The following FCHSD2 variants were observed in gnomAD, a reference collection of about 807,000 sequenced individuals.
The protein encoded by FCHSD2 is F-BAR and double SH3 domains protein 2.
In FCHSD2, 38 loss-of-function variants were observed where a neutral mutation model predicts 108.1. The ratio of observed to expected loss-of-function variants is 0.35; its 90% confidence interval spans 0.27 to 0.46. The LOEUF (loss-of-function observed/expected upper bound fraction) is 0.46. Among genes scored for constraint, FCHSD2 ranks in the 20% least tolerant of loss-of-function variants. The pLI is 1.00. For synonymous variants in FCHSD2, 279 were observed against 314.7 expected (o/e 0.89, Z 1.20); for missense variants, 751 against 897.8 (o/e 0.84, Z 2.09).
intron 3 of FCHSD2, among the ~76,000 whole-genome samples, chr11:73,044,427 A>C (rs980993692): frequency 1.3e-5 from 2 of 152,100 alleles, no homozygotes; most frequent in African/African-American, 4.8e-5. Context: ...ACAAAATTTA[A>C]AAATTAGATG....
intron 4 of FCHSD2, among the ~76,000 whole-genome samples, chr11:73,013,794 TG>T (rs1473420851): frequency 6.6e-6 from 1 of 152,230 alleles, no homozygotes; most frequent in Non-Finnish European, 1.5e-5. Flanking sequence ...CTTATTTCTT[TG>T]GTAACCTGAA....
chr11:73,002,195 G>A (rs1176093759), intron 4 of FCHSD2, among the ~76,000 whole-genome samples: 1 of 152,066 alleles, frequency 6.6e-6, no homozygotes, highest in Non-Finnish European at 1.5e-5. Flanking sequence ...AATTGCCTGG[G>A]TCCCTATCTT....
At chr11:73,131,257 C>T (rs1338980116) in intron 2 of FCHSD2, among the ~76,000 whole-genome samples, 3 of 151,878 alleles carry the variant, frequency 2.0e-5, no homozygotes, top group Non-Finnish European at 4.4e-5. Flanking sequence ...GTGGTTCACG[C>T]CTGTAATCCC....
At chr11:72,999,676 A>G (rs780154147) in intron 5 of FCHSD2, among the ~76,000 whole-genome samples, 2 of 152,188 alleles carry the variant, frequency 1.3e-5, no homozygotes, top group African/African-American at 4.8e-5. Flanking sequence ...AGATTACTTC[A>G]TCAATGGAAG....
rs111890322 is a variant in FCHSD2, at chr11:73,098,697, C to G, written c.120-14957G>C. Among the ~76,000 whole-genome samples the G allele has an allele frequency of 5.9e-3, 893 of 152,164 alleles. 8 individuals are homozygous for G. Among genetic ancestry groups the G allele is most frequent in the Non-Finnish European group, 8.4e-3 (574 of 67,998 alleles). On this transcript the variant is annotated intron_variant, in intron 2 of 19. Transcript: ENST00000409418. ...AGAATAGTCTCTTCAACAAATGGTG[C>G]CAAGACAAGATTTCTACATACAAAA...
intron 8 of FCHSD2, among the ~76,000 whole-genome samples, chr11:72,956,762 AT>A (rs1394798967): frequency 6.6e-6 from 1 of 151,986 alleles, no homozygotes; most frequent in Non-Finnish European, 1.5e-5. Context: ...CAACATATGA[AT>A]TTTGGGGAAA....
At chr11:72,939,650 G>A (rs1192472842) in intron 8 of FCHSD2, among the ~76,000 whole-genome samples, 4 of 106,442 alleles carry the variant, frequency 3.8e-5, no homozygotes, top group Middle Eastern at 9.6e-3. Context: ...ACAGTGTCTC[G>A]CCCTGTCGCC....
chr11:73,138,209 T>C (rs760913777), intron 2 of FCHSD2, among the ~76,000 whole-genome samples: 5 of 152,206 alleles, frequency 3.3e-5, no homozygotes, highest in Admixed American at 6.5e-5. Flanking sequence ...GAGGCCATTA[T>C]TGCCCCATTT....
chr11:72,984,453 G>A (rs1300355746), intron 7 of FCHSD2, among the ~76,000 whole-genome samples: 1 of 152,142 alleles, frequency 6.6e-6, no homozygotes. Flanking sequence ...TACTTCTAAA[G>A]CTTTGTAGAT....
At chr11:73,133,558 G>A (rs1330530150) in intron 2 of FCHSD2, among the ~76,000 whole-genome samples, 1 of 152,132 alleles carries the variant, frequency 6.6e-6, no homozygotes, top group Admixed American at 6.5e-5. Flanking sequence ...TGGATCACTT[G>A]AGGTCAGGAG....
At chr11:73,042,227 G>A (rs1375675861) in intron 3 of FCHSD2, among the ~76,000 whole-genome samples, 2 of 151,956 alleles carry the variant, frequency 1.3e-5, no homozygotes, top group Non-Finnish European at 2.9e-5. Flanking sequence ...ACCCGGCTGA[G>A]ATTATTTTTA....
intron 6 of FCHSD2, among the ~76,000 whole-genome samples, chr11:72,987,642 G>C (rs1433714192): frequency 6.6e-6 from 1 of 152,152 alleles, no homozygotes; most frequent in Non-Finnish European, 1.5e-5. Context: ...AATTCCTTGT[G>C]ATCAGCTCTG....
intron 3 of FCHSD2, among the ~76,000 whole-genome samples, chr11:73,062,635 T>C (rs574916787): frequency 3.6e-4 from 55 of 152,154 alleles, no homozygotes; most frequent in African/African-American, 1.3e-3. Flanking sequence ...GAGAACTTCA[T>C]GAAGCATACA....
At chr11:73,037,243 C>A (rs1267717691) in intron 3 of FCHSD2, among the ~76,000 whole-genome samples, 1 of 152,210 alleles carries the variant, frequency 6.6e-6, no homozygotes, top group Non-Finnish European at 1.5e-5. Flanking sequence ...TCCCCCACCA[C>A]AGTGGTACAT....
At chr11:72,864,879 C>A (rs1854688883) in intron 13 of FCHSD2, among the ~76,000 whole-genome samples, 1 of 152,200 alleles carries the variant, frequency 6.6e-6, no homozygotes, top group Admixed American at 6.5e-5. Flanking sequence ...GGGGAAGCTG[C>A]ATGCAGGCTC....
At chr11:72,841,340 C>CAAAAAAAA (rs59748827) in intron 18 of FCHSD2, 114 bp downstream of exon 18, 48 of 373,836 alleles carry the variant, frequency 1.3e-4, no homozygotes, top group East Asian at 3.8e-4. Flanking sequence ...ACTCTGTCTC[C>CAAAAAAAA]AAAAAAAAAA....
chr11:72,915,046 C>T (rs1255394613), intron 9 of FCHSD2, among the ~76,000 whole-genome samples: 1 of 120,474 alleles, frequency 8.3e-6, no homozygotes, highest in African/African-American at 3.2e-5. Flanking sequence ...AACAAGTTTA[C>T]AAGAAAGAAA....
At chr11:73,109,365 T>C (rs1348026385) in intron 2 of FCHSD2, among the ~76,000 whole-genome samples, 2 of 152,228 alleles carry the variant, frequency 1.3e-5, no homozygotes, top group Non-Finnish European at 2.9e-5. Flanking sequence ...ACATGGAATA[T>C]CTTTCCATTT....
At chr11:72,911,800 T>G (rs900819976) in intron 9 of FCHSD2, among the ~76,000 whole-genome samples, 1 of 152,214 alleles carries the variant, frequency 6.6e-6, no homozygotes, top group Admixed American at 6.5e-5. Flanking sequence ...CACTGCAACC[T>G]CCATCTCTTG....
Sources: gnomAD v4.1 joint callset for allele counts (sites outside exome capture counted in the v4.1 genomes callset) on GRCh38, gnomAD v4.1.1 for gene constraint, MANE v1.5 for transcripts, NCBI Gene and HGNC (gene_info 2026-07-23, HGNC 2026-07-21) for gene names.